The following LGR4 variants were observed in gnomAD, a reference collection of about 807,000 sequenced individuals.
LGR4 encodes the protein leucine-rich repeat-containing G protein-coupled receptor 4.
LGR4 carries 44 observed loss-of-function variants against 84.8 expected under a neutral mutation model. The observed-to-expected ratio is 0.52, with a 90% CI of 0.41 to 0.67. The LOEUF (loss-of-function observed/expected upper bound fraction) is 0.67, where lower values mean the gene tolerates loss of function less well. Ranked by LOEUF, LGR4 falls within the 30% of genes least tolerant of loss-of-function variation. LGR4 has a pLI of 0.00. For missense variants in LGR4, 1,032 were observed against 1,131.4 expected, an observed-to-expected ratio of 0.91 and a Z score of 1.26; for synonymous variants, 429 against 434.3, an observed-to-expected ratio of 0.99 and a Z score of 0.15.
intron 2 of LGR4, among the ~76,000 whole-genome samples, chr11:27,407,049 T>C (rs1863624872): frequency 6.6e-6 from 1 of 152,176 alleles, no homozygotes; most frequent in Non-Finnish European, 1.5e-5. Flanking sequence ...GAGATGACAT[T>C]GAACTCTGTA....
chr11:27,469,494 G>A (rs1864833271), intron 1 of LGR4, among the ~76,000 whole-genome samples: 1 of 152,104 alleles, frequency 6.6e-6, no homozygotes, highest in South Asian at 2.1e-4. Flanking sequence ...GGGCTCTGGG[G>A]ATCCCAAGTT....
chr11:27,378,621 T>C, intron 11 of LGR4, 76 bp downstream of exon 11: 1 of 1,021,404 alleles, frequency 9.8e-7, no homozygotes, highest in Non-Finnish European at 1.5e-6. Flanking sequence ...TGAAAGTAGA[T>C]CCTTAAAATA....
intron 1 of LGR4, among the ~76,000 whole-genome samples, chr11:27,471,248 A>G (rs1040625004): frequency 6.6e-6 from 1 of 152,198 alleles, no homozygotes; most frequent in African/African-American, 2.4e-5. Flanking sequence ...GAAACATTTC[A>G]GTGTGTCTCT....
chr11:27,457,708 T>C (rs1429741899), intron 1 of LGR4, among the ~76,000 whole-genome samples: 1 of 152,150 alleles, frequency 6.6e-6, no homozygotes, highest in Admixed American at 6.5e-5. Flanking sequence ...AAAAACTCTG[T>C]GTGAATATTT....
At chr11:27,422,697 T>A (rs1340530224) in intron 1 of LGR4, among the ~76,000 whole-genome samples, 1 of 152,200 alleles carries the variant, frequency 6.6e-6, no homozygotes, top group African/African-American at 2.4e-5. Flanking sequence ...CCATTTAAAC[T>A]GAATCAAAAT....
rs780955096 is a variant in LGR4, at chr11:27,368,539, T to C, written c.2184A>G (p.Leu728=). The change falls in exon 18 of 18, where the codon CTA becomes CTG. Residue 728 remains leucine (L), a synonymous_variant. Transcript: ENST00000379214. The part of the protein sequence containing the change: ...FLLMAVIYTK[L]YCNLEKEDLS... Reference sequence around the variant, plus strand: ...GGTCCTCTTTTTCCAAGTTGCAGTATAGTTTAGTGTAGATAACGGCCATTA... The same window carrying C: ...GGTCCTCTTTTTCCAAGTTGCAGTACAGTTTAGTGTAGATAACGGCCATTA... The C allele has an allele frequency of 3.7e-6, 6 of 1,613,994 alleles. No individual in the cohort carries two copies. The highest frequency in any genetic ancestry group is 3.3e-4 in the Middle Eastern group (2 of 6,062).
intron 5 of LGR4, 144 bp from the exon 6 acceptor site, chr11:27,384,551 C>A (rs1474181922): frequency 3.1e-6 from 2 of 646,016 alleles, no homozygotes; most frequent in Non-Finnish European, 2.7e-6. Flanking sequence ...TTTCTGTTGA[C>A]CACAGAAAAC....
Position 27,368,162 on chromosome 11 carries a change from T to C in LGR4, c.2561A>G (p.Asn854Ser). 1 of 1,614,208 alleles carries C rather than the reference T, an allele frequency of 6.2e-7. No individual in the cohort carries two copies. Among genetic ancestry groups the C allele is most frequent in the Non-Finnish European group, 8.5e-7 (1 of 1,180,040 alleles). The change falls in exon 18 of 18, where the codon AAC (asparagine) becomes AGC (serine). Residue 854 changes from asparagine to serine, a missense_variant. Coordinates refer to ENST00000379214, the MANE Select transcript of LGR4 (RefSeq NM_018490.5). Reference protein sequence around the residue: ...DCGMYSHLQGNLTVCDCCESF... With the variant: ...DCGMYSHLQGSLTVCDCCESF... ...TTCGCAGCAGTCGCAAACAGTCAGG[T>C]TGCCCTGCAAATGTGAGTACATGCC...
At chr11:27,466,685 A>G (rs913168405) in intron 1 of LGR4, among the ~76,000 whole-genome samples, 6 of 152,244 alleles carry the variant, frequency 3.9e-5, no homozygotes, top group Admixed American at 1.3e-4. Context: ...TTATGATACC[A>G]TAACCGGCAG....
intron 1 of LGR4, among the ~76,000 whole-genome samples, chr11:27,417,677 A>G (rs1022083174): frequency 7.2e-5 from 11 of 152,210 alleles, no homozygotes; most frequent in Admixed American, 2.0e-4. Context: ...TGAAATACAG[A>G]GAAAACCATC....
intron 1 of LGR4, among the ~76,000 whole-genome samples, chr11:27,448,878 A>G (rs34821673): frequency 0.15 from 22,657 of 152,178 alleles, 1,920 homozygotes; most frequent in South Asian, 0.24. Flanking sequence ...TCACTAGATT[A>G]AGACTACCAA....
chr11:27,417,666 T>C (rs1303442530), intron 1 of LGR4, among the ~76,000 whole-genome samples: 1 of 152,252 alleles, frequency 6.6e-6, no homozygotes. Flanking sequence ...TTTTAAAAAA[T>C]TGAAATACAG....
rs1163888066 is a variant in LGR4 at position 27,472,126 on chromosome 11, G to A, written c.177C>T (p.Thr59=). The change falls in exon 1 of 18, where the codon ACC becomes ACT. Residue 59 remains threonine (T), a synonymous_variant. Transcript: ENST00000379214. ...CCGCCGCCCGCACTCACAGCGCTTG[G>A]GTGAAGGCGCTGAGCCCCTCGGGCA... ...TAVPEGLSAF[T]QALDISMNNI... 6 of 1,368,554 alleles carry A rather than the reference G, an allele frequency of 4.4e-6. No individual in the cohort carries two copies. The South Asian group carries it at 8.2e-5, about 19-fold the overall frequency. 84.8% of individuals were successfully genotyped at this position (1,368,554 alleles called of 1,614,324 possible).
chr11:27,468,766 T>C (rs1249809895), intron 1 of LGR4, among the ~76,000 whole-genome samples: 1 of 151,732 alleles, frequency 6.6e-6, no homozygotes, highest in East Asian at 1.9e-4. Context: ...ATAGTAAAGC[T>C]ATGATCAAGG....
At chr11:27,381,190 TC>T (rs1863086028) in intron 7 of LGR4, among the ~76,000 whole-genome samples, 2 of 152,342 alleles carry the variant, frequency 1.3e-5, no homozygotes, top group South Asian at 4.1e-4. Flanking sequence ...ATCAGATCCC[TC>T]ATATGCATTT....
At chr11:27,472,094 C>T in intron 1 of LGR4, 24 bp downstream of exon 1, 1 of 1,137,354 alleles carries the variant, frequency 8.8e-7, no homozygotes, top group Non-Finnish European at 1.1e-6. Context: ...CCCCCCCCCT[C>T]GCGTCCCCGC....
intron 1 of LGR4, among the ~76,000 whole-genome samples, chr11:27,427,092 A>T (rs1051693288): frequency 6.6e-6 from 1 of 152,192 alleles, no homozygotes; most frequent in Admixed American, 6.5e-5. Context: ...CTTATTAATA[A>T]TAGTGGTGCT....
chr11:27,385,535 C>T (rs368692724), intron 4 of LGR4, 67 bp from the exon 5 acceptor site: 2 of 975,492 alleles, frequency 2.1e-6, no homozygotes, highest in Non-Finnish European at 3.0e-6. Flanking sequence ...TCAAGTCTCA[C>T]AACTCAAAGC....
At chr11:27,456,505 T>C (rs1057225927) in intron 1 of LGR4, among the ~76,000 whole-genome samples, 6 of 152,168 alleles carry the variant, frequency 3.9e-5, no homozygotes, top group African/African-American at 1.4e-4. Flanking sequence ...ATGGAAACCA[T>C]CATACTGCAC....
Sources: allele counts gnomAD v4.1 joint callset (sites outside exome capture counted in the v4.1 genomes callset), GRCh38; gene constraint gnomAD v4.1.1; transcripts MANE v1.5; gene names NCBI Gene and HGNC (gene_info 2026-07-23, HGNC 2026-07-21).